TACR1: variants seen among roughly 807,000 people sequenced by gnomAD.
TACR1 encodes the protein tachykinin receptor 1, also known as substance-P receptor.
In TACR1, 25 loss-of-function variants were observed where a neutral mutation model predicts 35.8. The observed-to-expected ratio is 0.70, with a 90% CI of 0.51 to 0.98. The LOEUF is 0.98. Ranked by LOEUF, TACR1 falls within the 50% of genes least tolerant of loss-of-function variation. The pLI is 0.00. For synonymous variants in TACR1, 195 were observed against 206.7 expected (o/e 0.94, Z 0.48); for missense variants, 478 against 522.9 (o/e 0.91, Z 0.84).
At chr2:75,128,316 A>T (rs146118663) in intron 1 of TACR1, among the ~76,000 whole-genome samples, 734 of 152,358 alleles carry the variant, frequency 4.8e-3, no homozygotes, top group Non-Finnish European at 8.6e-3. Context: ...CTAAGCCAGG[A>T]TTGATAAAGC....
At chr2:75,117,784 A>G (rs186596159) in intron 2 of TACR1, among the ~76,000 whole-genome samples, 1 of 152,344 alleles carries the variant, frequency 6.6e-6, no homozygotes, top group East Asian at 1.9e-4. Context: ...CACAGATCCT[A>G]TTTTATAATA....
In TACR1 at chr2:75,104,344, A is replaced by G. The variant is rs190371539; in HGVS notation, c.584+16230T>C. Among the ~76,000 whole-genome samples, 44 of 152,220 alleles carry G rather than the reference A, an allele frequency of 2.9e-4. No individual in the cohort carries two copies. The East Asian group carries it at 8.5e-3, about 29-fold the overall frequency. The stretch of plus-strand genomic sequence containing the variant: ...ATAAAGGGGTCAATTCATCAAGAGA[A>G]TATAACAATTGTAAATATATATGCA... On this transcript the variant is annotated intron_variant, in intron 2 of 4. Transcript: ENST00000305249.
chr2:75,091,660 C>T (rs1019508463), intron 2 of TACR1, among the ~76,000 whole-genome samples: 2 of 152,192 alleles, frequency 1.3e-5, no homozygotes, highest in Non-Finnish European at 2.9e-5. Flanking sequence ...GTGTCTTCTA[C>T]TTTTTCATAT....
chr2:75,104,057 CA>C (rs1328770268), intron 2 of TACR1, among the ~76,000 whole-genome samples: 1 of 151,972 alleles, frequency 6.6e-6, no homozygotes, highest in East Asian at 1.9e-4. Flanking sequence ...TGTACCTATC[CA>C]TAATTACCTT....
chr2:75,112,005 A>G (rs1395499769), intron 2 of TACR1, among the ~76,000 whole-genome samples: 1 of 152,086 alleles, frequency 6.6e-6, no homozygotes, highest in Non-Finnish European at 1.5e-5. Flanking sequence ...TACTGTGACT[A>G]TCCAAGTTGT....
chr2:75,124,802 G>T (rs1478485763), intron 1 of TACR1, among the ~76,000 whole-genome samples: 3 of 152,226 alleles, frequency 2.0e-5, no homozygotes, highest in African/African-American at 7.2e-5. Context: ...CTAGTTTACA[G>T]GAAGCGAAGA....
chr2:75,083,316 T>A (rs1475081247), intron 2 of TACR1, among the ~76,000 whole-genome samples: 1 of 152,200 alleles, frequency 6.6e-6, no homozygotes, highest in Non-Finnish European at 1.5e-5. Flanking sequence ...CCATGCTGTT[T>A]TGGTTACTGT....
intron 2 of TACR1, among the ~76,000 whole-genome samples, chr2:75,119,451 C>T (rs1371695135): frequency 1.3e-5 from 2 of 151,960 alleles, no homozygotes; most frequent in Admixed American, 6.6e-5. Context: ...ATAAAAAACC[C>T]GAGATTGGAG....
chr2:75,103,045 T>C (rs974665052), intron 2 of TACR1, among the ~76,000 whole-genome samples: 2 of 152,210 alleles, frequency 1.3e-5, no homozygotes, highest in Admixed American at 1.3e-4. Flanking sequence ...TAAAAATAAT[T>C]GAGGACTCCC....
chr2:75,124,192 A>C (rs534675983), intron 1 of TACR1, among the ~76,000 whole-genome samples: 35 of 152,176 alleles, frequency 2.3e-4, no homozygotes, highest in Non-Finnish European at 4.4e-4. Flanking sequence ...GAAAAACCTG[A>C]GATGTAGCCT....
chr2:75,059,510 C>T (rs116327228), intron 2 of TACR1, among the ~76,000 whole-genome samples: 2,027 of 152,252 alleles, frequency 0.013, 32 homozygotes, highest in African/African-American at 0.045. Context: ...CAGCTTTGGG[C>T]ACCAGAGATC....
At chr2:75,071,067 G>A (rs1264751579) in intron 2 of TACR1, among the ~76,000 whole-genome samples, 9 of 152,170 alleles carry the variant, frequency 5.9e-5, no homozygotes, top group Admixed American at 2.6e-4. Flanking sequence ...AGTCATGCCC[G>A]TTCACACTAA....
intron 2 of TACR1, among the ~76,000 whole-genome samples, chr2:75,065,070 G>GTTCT (rs1190060166): frequency 2.0e-5 from 3 of 152,232 alleles, no homozygotes; most frequent in Admixed American, 2.0e-4. Flanking sequence ...CTCTGAGGAT[G>GTTCT]TTCTCCAAGT....
intron 1 of TACR1, among the ~76,000 whole-genome samples, chr2:75,151,780 G>GCTGTAGACA (rs148641424): frequency 0.074 from 11,312 of 152,082 alleles, 867 homozygotes; most frequent in African/African-American, 0.2. Context: ...CCTGGAAAAG[G>GCTGTAGACA]CTGTAGACAC....
chr2:75,157,802 G>A (rs1674899784), intron 1 of TACR1, among the ~76,000 whole-genome samples: 1 of 152,220 alleles, frequency 6.6e-6, no homozygotes, highest in African/African-American at 2.4e-5. Context: ...CCATTATCAG[G>A]AAGATGTGGG....
At chr2:75,115,855 C>T (rs1225024979) in intron 2 of TACR1, among the ~76,000 whole-genome samples, 1 of 125,270 alleles carries the variant, frequency 8.0e-6, no homozygotes, top group Admixed American at 1.1e-4. Flanking sequence ...TGCAGTGAGC[C>T]GAGATCGCGC....
intron 2 of TACR1, among the ~76,000 whole-genome samples, chr2:75,084,684 A>T (rs1173154260): frequency 1.3e-5 from 2 of 152,076 alleles, no homozygotes; most frequent in Non-Finnish European, 2.9e-5. Flanking sequence ...GAATTTATCC[A>T]TTTCTTCTAG....
chr2:75,148,789 C>A (rs191611235), intron 1 of TACR1, among the ~76,000 whole-genome samples: 7 of 152,180 alleles, frequency 4.6e-5, no homozygotes, highest in African/African-American at 1.7e-4. Flanking sequence ...ATCATGAAAT[C>A]TTTGCCCATG....
chr2:75,138,251 G>A (rs1674336959), intron 1 of TACR1, among the ~76,000 whole-genome samples: 1 of 152,160 alleles, frequency 6.6e-6, no homozygotes, highest in Admixed American at 6.5e-5. Flanking sequence ...ACTGGGAATG[G>A]CTCAGTCACA....
Sources: allele counts gnomAD v4.1 joint callset (sites outside exome capture counted in the v4.1 genomes callset), GRCh38; gene constraint gnomAD v4.1.1; transcripts MANE v1.5; gene names NCBI Gene and HGNC (gene_info 2026-07-23, HGNC 2026-07-21).